Variants in CDH8 observed in about 807,000 individuals in gnomAD.
CDH8 encodes the protein cadherin-8.
Under a neutral mutation model 68.1 loss-of-function variants are expected in CDH8, and 17 were observed. The ratio of observed to expected loss-of-function variants is 0.25; its 90% CI spans 0.17 to 0.37. CDH8 has a LOEUF of 0.37. Among genes scored for constraint, CDH8 ranks in the 10% least tolerant of loss-of-function variants. CDH8 has a pLI of 1.00. For missense variants in CDH8, 763 were observed against 999.3 expected (o/e 0.76, Z 3.19); for synonymous variants, 372 against 365.1 (o/e 1.02, Z -0.21).
At chr16:62,009,079 A>G (rs1901743598) in intron 2 of CDH8, among the ~76,000 whole-genome samples, 1 of 151,836 alleles carries the variant, frequency 6.6e-6, no homozygotes, top group Non-Finnish European at 1.5e-5. Context: ...TAACCCTGCC[A>G]CATTCTAAAT....
intron 4 of CDH8, among the ~76,000 whole-genome samples, chr16:61,830,777 G>T (rs1286624102): frequency 6.6e-6 from 1 of 151,732 alleles, no homozygotes; most frequent in Non-Finnish European, 1.5e-5. Flanking sequence ...GAAGCAATTA[G>T]TAAAATTCTT....
intron 2 of CDH8, among the ~76,000 whole-genome samples, chr16:61,941,260 T>C (rs990733191): frequency 6.6e-6 from 1 of 152,208 alleles, no homozygotes; most frequent in Non-Finnish European, 1.5e-5. Context: ...GCTAATACCT[T>C]TTTTCCTCTT....
At position 61,653,119 on chromosome 16, in the gene CDH8, T is replaced by C. The variant is rs1024581566; in HGVS notation, c.*489A>G. 4 of 1,249,504 alleles carry C rather than the reference T, an allele frequency of 3.2e-6. No homozygotes were observed. Among genetic ancestry groups the C allele is most frequent in the Non-Finnish European group, 4.0e-6 (4 of 998,004 alleles). The allele number at this position is 1,249,504 out of a possible 1,614,324, so 77.4% of individuals were successfully genotyped here. ...CTCTCAAAACTCCAAAAAGTTATAA[T>C]GTACAGCAGACCAAGTATTGCTTTA... On this transcript the variant is annotated 3_prime_UTR_variant, in exon 12 of 12. Coordinates refer to ENST00000577390, the MANE Select transcript of CDH8 (RefSeq NM_001796.5).
At chr16:61,945,639 A>G (rs1964790123) in intron 2 of CDH8, among the ~76,000 whole-genome samples, 1 of 152,280 alleles carries the variant, frequency 6.6e-6, no homozygotes, top group East Asian at 1.9e-4. Flanking sequence ...GAGGAGTGCT[A>G]ACACCTTCTT....
At chr16:61,981,141 T>A (rs530870894) in intron 2 of CDH8, among the ~76,000 whole-genome samples, 1 of 152,354 alleles carries the variant, frequency 6.6e-6, no homozygotes, top group Non-Finnish European at 1.5e-5. Flanking sequence ...GTATTAGCTA[T>A]TACTATTTCA....
intron 7 of CDH8, among the ~76,000 whole-genome samples, chr16:61,798,713 T>C (rs1246903154): frequency 6.6e-6 from 1 of 152,102 alleles, no homozygotes; most frequent in Non-Finnish European, 1.5e-5. Context: ...GGAAGTAAAA[T>C]AAACCAGGCA....
intron 2 of CDH8, among the ~76,000 whole-genome samples, chr16:61,901,950 T>G (rs1329870997): frequency 6.6e-6 from 1 of 152,178 alleles, no homozygotes; most frequent in Non-Finnish European, 1.5e-5. Context: ...GAGGCACATA[T>G]TTACCTCTCC....
At chr16:61,817,409 A>G in intron 7 of CDH8, 70 bp downstream of exon 7, 1 of 1,516,960 alleles carries the variant, frequency 6.6e-7, no homozygotes, top group Non-Finnish European at 9.1e-7. Flanking sequence ...CAGAAGGTAC[A>G]AGCAAAGGCA....
intron 2 of CDH8, among the ~76,000 whole-genome samples, chr16:61,904,834 C>T (rs535064193): frequency 1.2e-3 from 185 of 152,276 alleles, no homozygotes; most frequent in African/African-American, 4.1e-3. Flanking sequence ...CTGCTCTTCA[C>T]GTAAGGGTGT....
chr16:61,906,088 G>A (rs1175219083), intron 2 of CDH8, among the ~76,000 whole-genome samples: 1 of 151,758 alleles, frequency 6.6e-6, no homozygotes, highest in South Asian at 2.1e-4. Context: ...GCAAGACAGG[G>A]GCCACATTAC....
intron 8 of CDH8, among the ~76,000 whole-genome samples, chr16:61,774,827 T>C (rs1960865643): frequency 6.6e-6 from 1 of 152,132 alleles, no homozygotes; most frequent in African/African-American, 2.4e-5. Flanking sequence ...TTATAAGCCT[T>C]GAACAGTTAT....
intron 7 of CDH8, among the ~76,000 whole-genome samples, chr16:61,797,656 C>T (rs1961530387): frequency 6.6e-6 from 1 of 152,100 alleles, no homozygotes; most frequent in Non-Finnish European, 1.5e-5. Flanking sequence ...TAAAACATGG[C>T]ATCACAGTGA....
At chr16:61,802,800 GA>G (rs1186982479) in intron 7 of CDH8, among the ~76,000 whole-genome samples, 1 of 127,848 alleles carries the variant, frequency 7.8e-6, no homozygotes, top group Non-Finnish European at 1.6e-5. Flanking sequence ...AAGCCTCCAA[GA>G]AATATGGGAC....
intron 7 of CDH8, among the ~76,000 whole-genome samples, chr16:61,793,376 C>T (rs545430876): frequency 6.6e-6 from 1 of 151,736 alleles, no homozygotes; most frequent in Non-Finnish European, 1.5e-5. Context: ...AGCCTAGTAT[C>T]CATTAGTTAT....
chr16:61,862,587 G>A (rs1009770531), intron 3 of CDH8, among the ~76,000 whole-genome samples: 1 of 152,168 alleles, frequency 6.6e-6, no homozygotes, highest in Non-Finnish European at 1.5e-5. Context: ...TCTCCTAATA[G>A]TGACTCAAGA....
At chr16:61,738,186 A>G (rs1232346129) in intron 8 of CDH8, among the ~76,000 whole-genome samples, 1 of 152,136 alleles carries the variant, frequency 6.6e-6, no homozygotes, top group African/African-American at 2.4e-5. Flanking sequence ...TGACTCTTAA[A>G]CAGTGACTTT....
chr16:61,815,784 G>A (rs1567483250), intron 7 of CDH8, among the ~76,000 whole-genome samples: 1 of 152,002 alleles, frequency 6.6e-6, no homozygotes. Context: ...GCTTGGAGAT[G>A]TAAAGGATGT....
intron 8 of CDH8, among the ~76,000 whole-genome samples, chr16:61,752,420 G>A (rs576232320): frequency 3.3e-5 from 5 of 152,232 alleles, no homozygotes; most frequent in African/African-American, 1.2e-4. Context: ...TCCTTTTCTT[G>A]ATTACTGAAT....
chr16:61,654,623 C>T (rs990601510), intron 11 of CDH8, among the ~76,000 whole-genome samples: 1 of 152,132 alleles, frequency 6.6e-6, no homozygotes, highest in African/African-American at 2.4e-5. Context: ...TGTGGGAGGG[C>T]TGGAATGCCT....
Sources: gnomAD v4.1 joint callset for allele counts (sites outside exome capture counted in the v4.1 genomes callset) on GRCh38, gnomAD v4.1.1 for gene constraint, MANE v1.5 for transcripts, NCBI Gene and HGNC (gene_info 2026-07-23, HGNC 2026-07-21) for gene names.